LRRTM4: variants seen among roughly 807,000 people sequenced by gnomAD.
LRRTM4 encodes leucine-rich repeat transmembrane neuronal protein 4.
A neutral mutation model predicts 47.6 loss-of-function variants in LRRTM4; 25 were observed. The ratio of observed to expected loss-of-function variants is 0.53; its 90% CI spans 0.38 to 0.73. The LOEUF is 0.73. Ranked by LOEUF, LRRTM4 falls within the 30% of genes least tolerant of loss-of-function variation. The pLI, the probability that LRRTM4 is intolerant of heterozygous loss-of-function variation, is 0.00. For missense variants in LRRTM4, 638 were observed against 713.4 expected, an observed-to-expected ratio of 0.89 and a Z score of 1.20; for synonymous variants, 311 against 269.5, an observed-to-expected ratio of 1.15 and a Z score of -1.51.
intron 3 of LRRTM4, among the ~76,000 whole-genome samples, chr2:76,868,827 C>T (rs1672539483): frequency 6.6e-6 from 1 of 151,998 alleles, no homozygotes; most frequent in South Asian, 2.1e-4. Flanking sequence ...TCTGGGCAGT[C>T]TTTTTTTACC....
At chr2:77,099,457 G>T (rs534824288) in intron 3 of LRRTM4, among the ~76,000 whole-genome samples, 16 of 152,048 alleles carry the variant, frequency 1.1e-4, no homozygotes, top group African/African-American at 3.9e-4. Flanking sequence ...ATTTGGGTGT[G>T]TGTGTGTTTA....
intron 3 of LRRTM4, among the ~76,000 whole-genome samples, chr2:77,369,770 G>C (rs930609185): frequency 2.6e-5 from 4 of 151,716 alleles, no homozygotes; most frequent in African/African-American, 9.7e-5. Context: ...ATTACTCCTA[G>C]GCTAGAAATC....
chr2:76,852,551 TATTA>T (rs1458012420), intron 3 of LRRTM4, among the ~76,000 whole-genome samples: 1 of 152,186 alleles, frequency 6.6e-6, no homozygotes, highest in Non-Finnish European at 1.5e-5. Flanking sequence ...TATCTTATGT[TATTA>T]TTTATTAAAT....
chr2:76,918,296 G>C (rs1215258668), intron 3 of LRRTM4, among the ~76,000 whole-genome samples: 1 of 152,096 alleles, frequency 6.6e-6, no homozygotes, highest in Non-Finnish European at 1.5e-5. Flanking sequence ...TAAATATCAA[G>C]TTTAGGAATT....
At chr2:77,310,149 C>CTA (rs959572479) in intron 3 of LRRTM4, among the ~76,000 whole-genome samples, 4 of 152,022 alleles carry the variant, frequency 2.6e-5, no homozygotes, top group Non-Finnish European at 5.9e-5. Context: ...ACTATATATG[C>CTA]TAAGCTCATA....
At chr2:77,168,771 C>T (rs1433213801) in intron 3 of LRRTM4, among the ~76,000 whole-genome samples, 1 of 152,028 alleles carries the variant, frequency 6.6e-6, no homozygotes, top group African/African-American at 2.4e-5. Flanking sequence ...TTTCAGTCCC[C>T]ACGTATGAAT....
intron 3 of LRRTM4, among the ~76,000 whole-genome samples, chr2:77,212,080 C>T (rs183177466): frequency 1.1e-3 from 169 of 151,774 alleles, no homozygotes; most frequent in African/African-American, 3.7e-3. Context: ...TCACAATGTA[C>T]GTTAAAATGT....
intron 3 of LRRTM4, among the ~76,000 whole-genome samples, chr2:77,238,767 G>T (rs1334976321): frequency 1.3e-5 from 2 of 151,646 alleles, no homozygotes; most frequent in Non-Finnish European, 2.9e-5. Context: ...TCTCATAAAA[G>T]AACTATGCAA....
chr2:77,399,360 T>G (rs920176295), intron 3 of LRRTM4, among the ~76,000 whole-genome samples: 1 of 151,792 alleles, frequency 6.6e-6, no homozygotes, highest in Admixed American at 6.6e-5. Flanking sequence ...TAAAACGTAC[T>G]CTCCGCAATT....
At chr2:77,325,955 T>C (rs988457393) in intron 3 of LRRTM4, among the ~76,000 whole-genome samples, 5 of 152,218 alleles carry the variant, frequency 3.3e-5, no homozygotes, top group Non-Finnish European at 7.3e-5. Context: ...CTGTGCTTTT[T>C]TCCTGTGAGG....
chr2:76,951,333 C>T (rs906706844), intron 3 of LRRTM4, among the ~76,000 whole-genome samples: 1 of 151,970 alleles, frequency 6.6e-6, no homozygotes, highest in Admixed American at 6.6e-5. Context: ...AGGATGGCTT[C>T]TCTTTCAGTC....
chr2:77,480,819 T>A lies in LRRTM4; in HGVS notation c.1551+37499A>T, dbSNP rs1276344671. On this transcript the variant is annotated intron_variant, in intron 3 of 3. Coordinates refer to ENST00000409884, the MANE Select transcript of LRRTM4 (RefSeq NM_001134745.3). ...GTGTGTGTGTGTGTGTGTGTGTGTG[T>A]GTGGAGAGAGAGAGAGAGAGAGAGA... Among the ~76,000 whole-genome samples the A allele has an allele frequency of 7.4e-4, 75 of 101,738 alleles. No individual in the cohort carries two copies. In the East Asian group the frequency reaches 0.02, roughly 27 times the overall value. The allele number at this position is 101,738 out of a possible 152,430, so 66.7% of individuals were successfully genotyped here. A position where few individuals can be genotyped will look rare whatever the true frequency, so the allele number is the denominator to read the frequency against.
chr2:76,862,496 T>C (rs181258294), intron 3 of LRRTM4, among the ~76,000 whole-genome samples: 12 of 152,304 alleles, frequency 7.9e-5, no homozygotes, highest in East Asian at 1.9e-4. Flanking sequence ...AGAAATGGTA[T>C]TGTCTTGAAA....
At chr2:76,840,619 C>G (rs1671645976) in intron 3 of LRRTM4, among the ~76,000 whole-genome samples, 1 of 152,098 alleles carries the variant, frequency 6.6e-6, no homozygotes, top group Non-Finnish European at 1.5e-5. Flanking sequence ...AAAGGAGAAA[C>G]CAACTGCTTG....
Position 77,212,427 on chromosome 2 carries a change from A to C in LRRTM4, c.1551+305891T>G, listed in dbSNP as rs546105617. Among the ~76,000 whole-genome samples the C allele has an allele frequency of 7.3e-5, 11 of 149,684 alleles. No individual in the cohort carries two copies. The South Asian group carries it at 2.3e-3, about 31-fold the overall frequency. On this transcript the variant is annotated intron_variant, in intron 3 of 3. Transcript: ENST00000409884. ...AAGGTCACCAATCAATCTTCTATTC[A>C]AAGTTAATTGTTCTGAATTAGTGGA...
intron 3 of LRRTM4, among the ~76,000 whole-genome samples, chr2:76,948,183 G>A (rs909655374): frequency 1.3e-5 from 2 of 151,828 alleles, no homozygotes; most frequent in Non-Finnish European, 2.9e-5. Flanking sequence ...AAGTAGGACT[G>A]TCTTTTGTTT....
At position 77,081,591 on chromosome 2, in the gene LRRTM4, T is replaced by G. The variant is rs1214422466; in HGVS notation, c.1552-332675A>C. ...AAGCTTTCATCACTTTCACAAATTT[T>G]ATTGTACATAGGTGACTTTCTTCCC... On this transcript the variant is annotated intron_variant, in intron 3 of 3. Coordinates refer to ENST00000409884, the MANE Select transcript of LRRTM4 (RefSeq NM_001134745.3). Among the ~76,000 whole-genome samples, 5 of 152,166 alleles carry G rather than the reference T, an allele frequency of 3.3e-5. No homozygotes were observed. The South Asian group carries it at 1.0e-3, about 32-fold the overall frequency.
At position 77,321,879 on chromosome 2, in the gene LRRTM4, C is replaced by A. The variant is rs138376410; in HGVS notation, c.1551+196439G>T. Among the ~76,000 whole-genome samples, 34 of 152,176 alleles carry A rather than the reference C, an allele frequency of 2.2e-4. No individual in the cohort carries two copies. In the East Asian group the frequency reaches 5.6e-3, roughly 25 times the overall value. On this transcript the variant is annotated intron_variant, in intron 3 of 3. Coordinates refer to ENST00000409884, the MANE Select transcript of LRRTM4 (RefSeq NM_001134745.3). ...GACCTAATGAATTATAAACACAGAA[C>A]AAAGAAATCCTCTGTTGCTACATAG...
intron 3 of LRRTM4, among the ~76,000 whole-genome samples, chr2:77,215,919 A>G (rs1221047789): frequency 6.6e-6 from 1 of 152,208 alleles, no homozygotes; most frequent in Non-Finnish European, 1.5e-5. Flanking sequence ...CATTATTGCT[A>G]ATGGCAACAT....
Sources: gnomAD v4.1 joint callset for allele counts (sites outside exome capture counted in the v4.1 genomes callset) on GRCh38, gnomAD v4.1.1 for gene constraint, MANE v1.5 for transcripts, NCBI Gene and HGNC (gene_info 2026-07-23, HGNC 2026-07-21) for gene names.